Variants in FBXL13 observed in about 807,000 individuals in gnomAD.
FBXL13 encodes F-box and leucine rich repeat protein 13, also known as F-box and leucine-rich repeat protein 13.
A neutral mutation model predicts 83.6 loss-of-function variants in FBXL13; 67 were observed. The observed-to-expected ratio is 0.80, with a 90% CI of 0.66 to 0.98. The LOEUF (loss-of-function observed/expected upper bound fraction) is 0.98, where lower values mean the gene tolerates loss of function less well. Ranked by LOEUF, FBXL13 falls within the 50% of genes least tolerant of loss-of-function variation. The pLI is 0.00. For synonymous variants in FBXL13, 272 were observed against 299.5 expected, an observed-to-expected ratio of 0.91 and a Z score of 0.95; for missense variants, 822 against 866.5, an observed-to-expected ratio of 0.95 and a Z score of 0.64.
At chr7:103,031,999 T>G (rs1187593038) in intron 2 of FBXL13, among the ~76,000 whole-genome samples, 1 of 152,160 alleles carries the variant, frequency 6.6e-6, no homozygotes, top group African/African-American at 2.4e-5. Context: ...TCATGTACAC[T>G]GGGGACAGAA....
chr7:102,840,907 T>C (rs1802818181), intron 17 of FBXL13, among the ~76,000 whole-genome samples: 1 of 152,226 alleles, frequency 6.6e-6, no homozygotes, highest in South Asian at 2.1e-4. Flanking sequence ...ACATGGACCC[T>C]GGCTTTTGTC....
At chr7:103,045,651 G>A (rs1415392330) in intron 2 of FBXL13, among the ~76,000 whole-genome samples, 2 of 152,190 alleles carry the variant, frequency 1.3e-5, no homozygotes, top group Non-Finnish European at 2.9e-5. Context: ...TTTCCGTAAA[G>A]TCTTAGTTTG....
chr7:102,845,085 A>G (rs2129449884), intron 17 of FBXL13, among the ~76,000 whole-genome samples: 1 of 152,230 alleles, frequency 6.6e-6, no homozygotes, highest in East Asian at 1.9e-4. Context: ...TAGTTCAGGG[A>G]TTTTTATGGG....
chr7:102,822,010 A>G (rs766533651), intron 19 of FBXL13, 30 bp downstream of exon 20: 1 of 1,610,740 alleles, frequency 6.2e-7, no homozygotes. Flanking sequence ...GTAGTTCTCA[A>G]AAGTTTGTCA....
intron 16 of FBXL13, among the ~76,000 whole-genome samples, chr7:102,876,659 T>C (rs1449216945): frequency 6.6e-6 from 1 of 152,144 alleles, no homozygotes; most frequent in Non-Finnish European, 1.5e-5. Flanking sequence ...GAAATTCCAG[T>C]GCTTGCCTGC....
chr7:102,898,423 C>G (rs1454618008), intron 11 of FBXL13, among the ~76,000 whole-genome samples: 1 of 152,092 alleles, frequency 6.6e-6, no homozygotes, highest in Non-Finnish European at 1.5e-5. Flanking sequence ...TCACCGCAGC[C>G]TCAGACTACA....
At chr7:103,020,690 T>C (rs372330191) in intron 6 of FBXL13, among the ~76,000 whole-genome samples, 5 of 152,002 alleles carry the variant, frequency 3.3e-5, no homozygotes, top group African/African-American at 1.2e-4. Flanking sequence ...ACACAAATAA[T>C]AGACAAACAG....
At chr7:102,868,161 T>C (rs1288376720) in intron 16 of FBXL13, among the ~76,000 whole-genome samples, 1 of 152,180 alleles carries the variant, frequency 6.6e-6, no homozygotes, top group Non-Finnish European at 1.5e-5. Flanking sequence ...GGTGAGCACA[T>C]TTAGAATCCT....
chr7:102,834,131 AAAGAAAG>A (rs1336754091), intron 17 of FBXL13, among the ~76,000 whole-genome samples: 2 of 101,486 alleles, frequency 2.0e-5, no homozygotes, highest in South Asian at 3.1e-4. Flanking sequence ...AGAAAGAAAG[AAAGAAAG>A]AAAAGAGAAG....
chr7:102,873,476 C>A (rs1808801328), intron 16 of FBXL13, among the ~76,000 whole-genome samples: 1 of 152,234 alleles, frequency 6.6e-6, no homozygotes, highest in South Asian at 2.1e-4. Context: ...GACTTTGCTA[C>A]ATGCTTACTG....
intron 4 of FBXL13, among the ~76,000 whole-genome samples, 157 bp from the exon 6 acceptor site, chr7:103,027,715 AG>A (rs1794092351): frequency 6.6e-6 from 1 of 152,212 alleles, no homozygotes. Context: ...TACTTTTGAT[AG>A]CATTAGTACT....
At chr7:102,995,947 T>C (rs1176518059) in intron 6 of FBXL13, among the ~76,000 whole-genome samples, 3 of 152,192 alleles carry the variant, frequency 2.0e-5, no homozygotes, top group Non-Finnish European at 4.4e-5. Flanking sequence ...TGAAATGGTT[T>C]TCCCAAAGTG....
chr7:103,033,606 G>A (rs1031264949), intron 2 of FBXL13, among the ~76,000 whole-genome samples: 13 of 152,210 alleles, frequency 8.5e-5, no homozygotes, highest in Admixed American at 7.9e-4. Context: ...AGCGCGTCTG[G>A]AGTTGTTCGT....
At chr7:102,910,832 C>T (rs762835599) in intron 11 of FBXL13, among the ~76,000 whole-genome samples, 11 of 152,198 alleles carry the variant, frequency 7.2e-5, no homozygotes, top group Admixed American at 6.5e-4. Context: ...GATCACAGCT[C>T]GCTGCAGCCT....
chr7:103,064,924 G>A (rs1237395746), intron 1 of FBXL13, among the ~76,000 whole-genome samples: 1 of 152,164 alleles, frequency 6.6e-6, no homozygotes, highest in Non-Finnish European at 1.5e-5. Flanking sequence ...CCAACAGCCA[G>A]CACCAACTTG....
chr7:102,836,137 C>A (rs916196372), intron 17 of FBXL13, among the ~76,000 whole-genome samples: 1 of 152,148 alleles, frequency 6.6e-6, no homozygotes, highest in African/African-American at 2.4e-5. Context: ...CTGCCTTATG[C>A]CTTTTTAAAA....
intron 2 of FBXL13, 83 bp downstream of exon 2, chr7:103,055,561 C>A: frequency 3.8e-6 from 2 of 530,628 alleles, no homozygotes; most frequent in Admixed American, 3.7e-5. Context: ...CATTCATTGG[C>A]AAGACCTTAT....
At chr7:102,943,310 A>G (rs1821815082) in intron 8 of FBXL13, among the ~76,000 whole-genome samples, 1 of 145,758 alleles carries the variant, frequency 6.9e-6, no homozygotes, top group African/African-American at 2.5e-5. Context: ...TCTTTTTTGT[A>G]GCATCTTTTT....
intron 8 of FBXL13, chr7:102,944,426 A>C: frequency 6.2e-7 from 1 of 1,614,104 alleles, no homozygotes; most frequent in Non-Finnish European, 8.5e-7. Context: ...AAAACGCCTG[A>C]AGAATACAAA....
Sources: allele counts gnomAD v4.1 joint callset (sites outside exome capture counted in the v4.1 genomes callset), GRCh38; gene constraint gnomAD v4.1.1; transcripts MANE v1.5; gene names NCBI Gene and HGNC (gene_info 2026-07-23, HGNC 2026-07-21).